TOGARAM1: variants seen among roughly 807,000 people sequenced by gnomAD.
TOGARAM1 encodes the protein TOG array regulator of axonemal microtubules protein 1.
A neutral mutation model predicts 166.6 loss-of-function variants in TOGARAM1; 100 were observed. The ratio of observed to expected loss-of-function variants is 0.60; its 90% CI spans 0.51 to 0.71. The LOEUF is 0.71. Among genes scored for constraint, TOGARAM1 ranks in the 30% least tolerant of loss-of-function variants. The probability of loss-of-function intolerance (pLI) is 0.00; values close to 1 mark genes in which losing one functional copy is unlikely to be tolerated. For missense variants in TOGARAM1, 2,029 were observed against 2,102.7 expected (o/e 0.96, Z 0.69); for synonymous variants, 758 against 763.8 (o/e 0.99, Z 0.13).
At chr14:44,989,670 C>A (rs1887026555) in intron 1 of TOGARAM1, among the ~76,000 whole-genome samples, 1 of 152,120 alleles carries the variant, frequency 6.6e-6, no homozygotes, top group Admixed American at 6.6e-5. Context: ...TTCTTCTGAG[C>A]CCTCCAGACT....
intron 1 of TOGARAM1, among the ~76,000 whole-genome samples, chr14:44,994,519 A>G (rs745430602): frequency 1.7e-4 from 25 of 151,416 alleles, no homozygotes; most frequent in Non-Finnish European, 2.5e-4. Context: ...TTCAGGTTCA[A>G]GTAATCCTCC....
intron 1 of TOGARAM1, among the ~76,000 whole-genome samples, chr14:44,967,368 C>A (rs112897777): frequency 6.6e-6 from 1 of 152,052 alleles, no homozygotes; most frequent in Non-Finnish European, 1.5e-5. Flanking sequence ...CCCCTCCCCC[C>A]ACAAAATTGC....
chr14:45,003,949 T>C, intron 3 of TOGARAM1, 112 bp from the exon 4 acceptor site: 1 of 767,102 alleles, frequency 1.3e-6, no homozygotes, highest in Non-Finnish European at 2.0e-6. Context: ...CATACAAAAA[T>C]ATACATGCCA....
intron 1 of TOGARAM1, among the ~76,000 whole-genome samples, chr14:44,985,331 G>A (rs1413033422): frequency 6.6e-6 from 1 of 152,022 alleles, no homozygotes; most frequent in Non-Finnish European, 1.5e-5. Flanking sequence ...CTTTTTAAGC[G>A]GCAAAAATAA....
chr14:45,018,726 G>A (rs986715807), intron 7 of TOGARAM1, among the ~76,000 whole-genome samples: 5 of 152,102 alleles, frequency 3.3e-5, no homozygotes, highest in African/African-American at 1.2e-4. Flanking sequence ...GCAGCAATAA[G>A]TTGTTATTGT....
intron 1 of TOGARAM1, among the ~76,000 whole-genome samples, chr14:44,978,806 TAAA>T (rs1373353462): frequency 6.9e-6 from 1 of 144,738 alleles, no homozygotes; most frequent in African/African-American, 2.6e-5. Context: ...TCTCAAAAAT[TAAA>T]AAAAAGAGAA....
At chr14:45,021,718 A>G (rs1880523947) in intron 7 of TOGARAM1, among the ~76,000 whole-genome samples, 2 of 152,144 alleles carry the variant, frequency 1.3e-5, no homozygotes, top group Admixed American at 6.5e-5. Context: ...CGTCCTTCCC[A>G]GGATGTATCT....
At chr14:45,009,874 T>A (rs909846250) in intron 6 of TOGARAM1, among the ~76,000 whole-genome samples, 9 of 152,176 alleles carry the variant, frequency 5.9e-5, no homozygotes, top group Non-Finnish European at 1.2e-4. Context: ...GACAAAAACC[T>A]AGTAATAGAA....
chr14:44,962,385 A>G lies in TOGARAM1; in HGVS notation c.-37A>G, dbSNP rs1275434617. On this transcript the variant is annotated 5_prime_UTR_variant, in exon 1 of 20. An upstream start codon of the reference 5' UTR is lost. Transcript: ENST00000361462. The stretch of plus-strand genomic sequence containing the variant: ...TCCATCGAGCCCTTTGGAGACGGCA[A>G]TGGTTTCTTCCAACCACCACCACCT... 2.0e-6 allele frequency: 3 copies of G among 1,509,022 alleles called. No individual in the cohort carries two copies. Among genetic ancestry groups the G allele is most frequent in the South Asian group, 2.7e-5 (2 of 75,206 alleles). 93.5% of individuals were successfully genotyped at this position (1,509,022 alleles called of 1,614,324 possible).
intron 5 of TOGARAM1, chr14:45,006,865 ACTTAT>A (rs1879472322): frequency 6.6e-6 from 1 of 152,106 alleles, no homozygotes; most frequent in Admixed American, 6.6e-5. Context: ...GTGCAAGCTT[ACTTAT>A]CTTTATGAAA....
Position 44,963,730 on chromosome 14 carries a change from A to AT in TOGARAM1, c.1310dup (p.Ala438SerfsTer45). 1 of 1,614,052 alleles carries AT rather than the reference A, an allele frequency of 6.2e-7. No individual in the cohort carries two copies. The highest frequency in any genetic ancestry group is 8.5e-7 in the Non-Finnish European group (1 of 1,179,964). On this transcript the variant is annotated frameshift_variant, in exon 1 of 20. Coordinates refer to ENST00000361462, the MANE Select transcript of TOGARAM1 (RefSeq NM_001308120.2). LOFTEE classifies it high-confidence loss of function. ...GGTACAGCAGTTCTTGGGACCAGTTATAGCAGCTTCTGTCAAAGTGCTGGC... is the reference window on the plus strand; with the variant it reads ...GGTACAGCAGTTCTTGGGACCAGTTATTAGCAGCTTCTGTCAAAGTGCTGGC...
chr14:45,009,448 G>C (rs1879664140), intron 6 of TOGARAM1, among the ~76,000 whole-genome samples: 1 of 152,004 alleles, frequency 6.6e-6, no homozygotes, highest in African/African-American at 2.4e-5. Flanking sequence ...TTGACCTTTA[G>C]CTCTTTTCTG....
At chr14:45,017,389 C>G (rs1047211258) in intron 7 of TOGARAM1, among the ~76,000 whole-genome samples, 3 of 148,002 alleles carry the variant, frequency 2.0e-5, no homozygotes, top group African/African-American at 7.9e-5. Context: ...GGAAATGCAC[C>G]AGATACATGC....
chr14:44,984,791 A>T (rs1008004451), intron 1 of TOGARAM1, among the ~76,000 whole-genome samples: 1 of 151,720 alleles, frequency 6.6e-6, no homozygotes, highest in African/African-American at 2.4e-5. Flanking sequence ...AAATAAAAAT[A>T]ATTAAAAATA....
At chr14:45,042,264 T>C (rs543804128) in intron 11 of TOGARAM1, 22 of 152,282 alleles carry the variant, frequency 1.4e-4, no homozygotes, top group African/African-American at 4.8e-4. Context: ...AACCAGACCA[T>C]GGGACTTCCT....
At chr14:45,058,235 G>T (rs1357284118) in intron 16 of TOGARAM1, among the ~76,000 whole-genome samples, 1 of 149,604 alleles carries the variant, frequency 6.7e-6, no homozygotes. Context: ...TTTGAAGGTT[G>T]TGTTATCTGA....
At position 45,073,615 on chromosome 14, in the gene TOGARAM1, G is replaced by A. The variant is rs1883481965; in HGVS notation, c.*54G>A. The A allele has an allele frequency of 3.3e-6, 5 of 1,526,704 alleles. No homozygotes were observed. Among genetic ancestry groups the A allele is most frequent in the Non-Finnish European group, 4.4e-6 (5 of 1,133,518 alleles). 94.6% of individuals were successfully genotyped at this position (1,526,704 alleles called of 1,614,324 possible). A position where few individuals can be genotyped will look rare whatever the true frequency, so the allele number is the denominator to read the frequency against. ...AAAAGTGTTTACATGATGACAAATG[G>A]AACTTTCTAAAAGTTATGTTATCAG... On this transcript the variant is annotated 3_prime_UTR_variant, in exon 20 of 20. Transcript: ENST00000361462.
chr14:45,065,580 A>G (rs1452737297), intron 16 of TOGARAM1, among the ~76,000 whole-genome samples: 5 of 152,182 alleles, frequency 3.3e-5, no homozygotes, highest in African/African-American at 1.2e-4. Context: ...GAAAAATATT[A>G]TGCTATGAAT....
At chr14:44,992,807 C>T (rs528774270) in intron 1 of TOGARAM1, among the ~76,000 whole-genome samples, 3 of 151,076 alleles carry the variant, frequency 2.0e-5, no homozygotes, top group South Asian at 4.2e-4. Context: ...TTAGTAGAGA[C>T]GGGTTTTCAC....
Sources: gnomAD v4.1 joint callset for allele counts (sites outside exome capture counted in the v4.1 genomes callset) on GRCh38, gnomAD v4.1.1 for gene constraint, MANE v1.5 for transcripts, NCBI Gene and HGNC (gene_info 2026-07-23, HGNC 2026-07-21) for gene names.